The following TGFBR1 variants were observed in gnomAD, a reference collection of about 807,000 sequenced individuals.
The protein encoded by TGFBR1 is TGF-beta receptor type-1.
In TGFBR1, 20 loss-of-function variants were observed where a neutral mutation model predicts 55.1. That is an observed-to-expected ratio of 0.36 (90% CI 0.26 to 0.53). TGFBR1 has a LOEUF of 0.53. TGFBR1 is among the 20% of genes least tolerant of loss of function. TGFBR1 has a pLI of 0.91. For synonymous variants in TGFBR1, 220 were observed against 214.8 expected, an observed-to-expected ratio of 1.02 and a Z score of -0.21; for missense variants, 385 against 617.6, an observed-to-expected ratio of 0.62 and a Z score of 3.99.
At chr9:99,146,375 G>A (rs1827795921) in intron 6 of TGFBR1, 110 bp from the exon 7 acceptor site, 2 of 1,243,812 alleles carry the variant, frequency 1.6e-6, no homozygotes, top group Non-Finnish European at 2.4e-6. Context: ...TATTTGTTAT[G>A]TAATATTGTG....
chr9:99,129,039 T>C lies in TGFBR1; in HGVS notation c.282T>C (p.Ser94=), dbSNP rs886038856. The change falls in exon 2 of 9, where the codon TCT becomes TCC. Residue 94 remains serine, a synonymous_variant. Coordinates refer to ENST00000374994, the MANE Select transcript of TGFBR1 (RefSeq NM_004612.4). Reference sequence around the variant, plus strand: ...GTGCACCCTCTTCAAAAACTGGGTCTGTGACTACAACATATTGCTGCAATC... The same window carrying C: ...GTGCACCCTCTTCAAAAACTGGGTCCGTGACTACAACATATTGCTGCAATC... ...FVCAPSSKTG[S]VTTTYCCNQD... is the part of the protein sequence containing the mutation. The C allele has an allele frequency of 1.2e-6, 2 of 1,613,910 alleles. No individual in the cohort carries two copies. The highest frequency in any genetic ancestry group is 1.7e-6 in the Non-Finnish European group (2 of 1,179,968).
At chr9:99,127,304 A>G (rs1827070089) in intron 1 of TGFBR1, among the ~76,000 whole-genome samples, 1 of 152,282 alleles carries the variant, frequency 6.6e-6, no homozygotes, top group Middle Eastern at 3.4e-3. Flanking sequence ...CTTGGTGTCC[A>G]GGGTTTTTAC....
chr9:99,121,670 G>A (rs552821530), intron 1 of TGFBR1, among the ~76,000 whole-genome samples: 1 of 152,228 alleles, frequency 6.6e-6, no homozygotes, highest in East Asian at 1.9e-4. Context: ...GAAGCAAACT[G>A]CATAAAGGAC....
intron 5 of TGFBR1, among the ~76,000 whole-genome samples, chr9:99,143,206 G>T (rs993929519): frequency 4.6e-5 from 7 of 152,276 alleles, no homozygotes; most frequent in African/African-American, 1.7e-4. Flanking sequence ...TCTAGTCGTT[G>T]TAACAAAACT....
intron 6 of TGFBR1, among the ~76,000 whole-genome samples, 199 bp downstream of exon 6, chr9:99,145,087 G>A (rs1467527674): frequency 2.0e-5 from 3 of 152,174 alleles, no homozygotes; most frequent in Non-Finnish European, 2.9e-5. Context: ...ATGAAAGGTT[G>A]CCCTTCCAGA....
chr9:99,144,868 C>CCCAAATTAT lies in TGFBR1; in HGVS notation c.1111_1112insCAAATTATC (p.Asn370_His371insProAsnTyr). The CCCAAATTAT allele has an allele frequency of 6.2e-7, 1 of 1,613,954 alleles. No homozygotes were observed. On this transcript the variant is annotated inframe_insertion, in exon 6 of 9. Transcript: ENST00000374994. ...CAGATACCATTGATATTGCTCCAAA[C>CCCAAATTAT]CACAGAGTGGGAACAAAAAGGTATA...
Position 99,128,958 on chromosome 9 carries a change from C to A in TGFBR1, c.201C>A (p.His67Gln). Residue 67 changes from histidine to glutamine, a missense_variant, in exon 2 of 9, where the codon CAC becomes CAA. His to Gln is a conservative substitution (Grantham distance 24). Coordinates refer to ENST00000374994, the MANE Select transcript of TGFBR1 (RefSeq NM_004612.4). ...CAGAGACCACAGACAAAGTTATACACAACAGCATGTGTATAGCTGAAATTG... is the reference window on the plus strand; with the variant it reads ...CAGAGACCACAGACAAAGTTATACAAAACAGCATGTGTATAGCTGAAATTG... ...SVTETTDKVIHNSMCIAEIDL... is the reference protein window; with the variant it reads ...SVTETTDKVIQNSMCIAEIDL... The A allele has an allele frequency of 6.2e-7, 1 of 1,614,000 alleles. No homozygotes were observed.
Position 99,149,543 on chromosome 9 carries a change from A to C in TGFBR1, c.*238A>C, listed in dbSNP as rs1340807744. On this transcript the variant is annotated 3_prime_UTR_variant, in exon 9 of 9. Transcript: ENST00000374994. ...TCCCAGGACAGAAAATGTGTAGTCT[A>C]CCTTTATTTTTTATTAACAAAACTT... is the stretch of plus-strand genomic sequence containing the variant. The C allele has an allele frequency of 6.2e-6, 3 of 487,426 alleles. No individual in the cohort carries two copies. The highest frequency in any genetic ancestry group is 1.1e-5 in the Non-Finnish European group (3 of 271,850). The allele number at this position is 487,426 out of a possible 1,614,324, so 30.2% of individuals were successfully genotyped here.
chr9:99,127,958 G>A (rs1827087201), intron 1 of TGFBR1: 1 of 455,908 alleles, frequency 2.2e-6, no homozygotes, highest in Admixed American at 2.4e-5. Context: ...GCCTCAAGGA[G>A]TTTACAGTTT....
At chr9:99,114,713 A>G (rs1349792102) in intron 1 of TGFBR1, among the ~76,000 whole-genome samples, 2 of 152,238 alleles carry the variant, frequency 1.3e-5, no homozygotes, top group Non-Finnish European at 2.9e-5. Context: ...AGAGAGCAAC[A>G]TGAAACTATT....
rs1464174011 is a variant in TGFBR1 at position 99,152,663 on chromosome 9, T to C, written c.*3358T>C. On this transcript the variant is annotated 3_prime_UTR_variant, in exon 9 of 9. Coordinates refer to ENST00000374994, the MANE Select transcript of TGFBR1 (RefSeq NM_004612.4). ...CAAAAGCTTATTTTTATTCTTGCAC[T>C]GGAAGAATCGTAAGTCAACTGTTTC... The C allele has an allele frequency of 4.4e-6, 1 of 227,202 alleles. No homozygotes were observed. The highest frequency in any genetic ancestry group is 8.7e-6 in the Non-Finnish European group (1 of 114,294). The allele number at this position is 227,202 out of a possible 1,614,324, so 14.1% of individuals were successfully genotyped here.
At chr9:99,129,840 A>G (rs1023288497) in intron 2 of TGFBR1, among the ~76,000 whole-genome samples, 2 of 152,192 alleles carry the variant, frequency 1.3e-5, no homozygotes, top group Admixed American at 6.5e-5. Flanking sequence ...CAGAGGTTGC[A>G]GTGAGCCAAG....
At chr9:99,140,056 G>A (rs1382726083) in intron 4 of TGFBR1, among the ~76,000 whole-genome samples, 4 of 152,328 alleles carry the variant, frequency 2.6e-5, no homozygotes, top group East Asian at 3.9e-4. Flanking sequence ...TGCATCATAT[G>A]TGGAGGTGTA....
At chr9:99,140,481 A>G (rs1827581810) in intron 4 of TGFBR1, among the ~76,000 whole-genome samples, 1 of 151,896 alleles carries the variant, frequency 6.6e-6, no homozygotes, top group African/African-American at 2.4e-5. Flanking sequence ...ACAAAACAAA[A>G]CAAAACAAAA....
intron 2 of TGFBR1, 160 bp from the exon 3 acceptor site, chr9:99,132,349 G>A: frequency 1.6e-6 from 2 of 1,218,872 alleles, no homozygotes; most frequent in South Asian, 2.7e-5. Context: ...TGATTCACTT[G>A]TTCTGGGTTT....
chr9:99,111,480 TTAGCTGGACG>T (rs887534192), intron 1 of TGFBR1, among the ~76,000 whole-genome samples: 1 of 151,812 alleles, frequency 6.6e-6, no homozygotes. Context: ...TAACAAAAAA[TTAGCTGGACG>T]TAGTGGCAGG....
intron 1 of TGFBR1, chr9:99,128,546 C>A: frequency 4.9e-6 from 2 of 406,376 alleles, no homozygotes; most frequent in South Asian, 2.1e-5. Context: ...AATGGGAAGG[C>A]AAATGCTTGC....
chr9:99,126,130 A>G (rs1362182164), intron 1 of TGFBR1, among the ~76,000 whole-genome samples: 1 of 152,216 alleles, frequency 6.6e-6, no homozygotes, highest in Non-Finnish European at 1.5e-5. Flanking sequence ...ATAAGAAGAT[A>G]GGTTTAAACT....
intron 1 of TGFBR1, among the ~76,000 whole-genome samples, chr9:99,120,986 T>C (rs1345168515): frequency 6.6e-6 from 1 of 152,196 alleles, no homozygotes; most frequent in East Asian, 1.9e-4. Context: ...GCTAATTCCA[T>C]AGAAACTAGG....
Sources: allele counts gnomAD v4.1 joint callset (sites outside exome capture counted in the v4.1 genomes callset), GRCh38; gene constraint gnomAD v4.1.1; transcripts MANE v1.5; gene names NCBI Gene and HGNC (gene_info 2026-07-23, HGNC 2026-07-21).